The following KCNH8 variants were observed in gnomAD, a reference collection of about 807,000 sequenced individuals.
KCNH8 encodes voltage-gated delayed rectifier potassium channel KCNH8.
A neutral mutation model predicts 103.6 loss-of-function variants in KCNH8; 70 were observed. The ratio of observed to expected loss-of-function variants is 0.68; its 90% CI spans 0.56 to 0.82. The LOEUF (loss-of-function observed/expected upper bound fraction) is 0.82. Ranked by LOEUF, KCNH8 falls within the 40% of genes least tolerant of loss-of-function variation. The pLI, the probability that KCNH8 is intolerant of heterozygous loss-of-function variation, is 0.00. For synonymous variants in KCNH8, 498 were observed against 489.4 expected, an observed-to-expected ratio of 1.02 and a Z score of -0.23; for missense variants, 1,217 against 1,329.9, an observed-to-expected ratio of 0.92 and a Z score of 1.32.
At position 19,414,345 on chromosome 3, in the gene KCNH8, A is replaced by T. The variant is rs185415395; in HGVS notation, c.1177+19034A>T. Among the ~76,000 whole-genome samples the T allele has an allele frequency of 2.8e-3, 429 of 152,200 alleles. 4 individuals carry two copies. Among genetic ancestry groups the T allele is most frequent in the African/African-American group, 9.4e-3 (390 of 41,578 alleles). ...GGATTTTGAAAAATTAAAAGTCACCACTAAATAAAATTTAAAATAGAAAAC... is the reference window on the plus strand; with the variant it reads ...GGATTTTGAAAAATTAAAAGTCACCTCTAAATAAAATTTAAAATAGAAAAC... On this transcript the variant is annotated intron_variant, in intron 7 of 15. Transcript: ENST00000328405.
chr3:19,149,483 A>G lies in KCNH8; in HGVS notation c.76+688A>G, dbSNP rs571339455. Among the ~76,000 whole-genome samples the G allele has an allele frequency of 2.0e-5, 3 of 152,100 alleles. No individual in the cohort carries two copies. In the South Asian group the frequency reaches 6.2e-4, roughly 32 times the overall value. ...TTTTTGAGTACGAATATTATTGGAC[A>G]TTTAGCTCATTTAAGCTACAGTAGG... On this transcript the variant is annotated intron_variant, in intron 1 of 15. Coordinates refer to ENST00000328405, the MANE Select transcript of KCNH8 (RefSeq NM_144633.3).
At chr3:19,313,156 T>C (rs2065227694) in intron 3 of KCNH8, among the ~76,000 whole-genome samples, 2 of 151,906 alleles carry the variant, frequency 1.3e-5, no homozygotes, top group Non-Finnish European at 2.9e-5. Context: ...GTTTGGTCTT[T>C]ATTCTTTATT....
At chr3:19,258,943 CTCTCTATATA>C (rs1432299100) in intron 2 of KCNH8, among the ~76,000 whole-genome samples, 438 of 53,302 alleles carry the variant, frequency 8.2e-3, no homozygotes, top group African/African-American at 0.019. Flanking sequence ...CTCTCTCTCT[CTCTCTATATA>C]TATATATATA....
At chr3:19,231,393 A>C (rs2063992993) in intron 1 of KCNH8, among the ~76,000 whole-genome samples, 1 of 152,202 alleles carries the variant, frequency 6.6e-6, no homozygotes, top group South Asian at 2.1e-4. Flanking sequence ...TTGAGTAAAT[A>C]AGAAAGATGA....
At chr3:19,171,774 A>C (rs1230000637) in intron 1 of KCNH8, among the ~76,000 whole-genome samples, 2 of 152,234 alleles carry the variant, frequency 1.3e-5, no homozygotes, top group African/African-American at 2.4e-5. Flanking sequence ...AGAGTGAGAC[A>C]TGGCCCTGGG....
At chr3:19,465,915 A>G (rs1361982771) in intron 11 of KCNH8, among the ~76,000 whole-genome samples, 1 of 152,036 alleles carries the variant, frequency 6.6e-6, no homozygotes, top group East Asian at 1.9e-4. Flanking sequence ...AACATATAAG[A>G]AGTTGCTTCT....
chr3:19,368,106 A>T (rs2066037768), intron 5 of KCNH8, among the ~76,000 whole-genome samples: 1 of 152,044 alleles, frequency 6.6e-6, no homozygotes. Context: ...AGCTAATAAA[A>T]ATTATCTAAT....
At chr3:19,314,268 T>C (rs2065244487) in intron 3 of KCNH8, among the ~76,000 whole-genome samples, 1 of 151,894 alleles carries the variant, frequency 6.6e-6, no homozygotes, top group African/African-American at 2.4e-5. Context: ...CCATATAAAG[T>C]CTATTGATAC....
At position 19,411,245 on chromosome 3, in the gene KCNH8, A is replaced by T. The variant is rs2066774338; in HGVS notation, c.1177+15934A>T. 3.3e-5 allele frequency among the ~76,000 whole-genome samples: 5 copies of T among 152,140 alleles called. 1 individual carries two copies. The highest frequency in any genetic ancestry group is 3.3e-4 in the Admixed American group (5 of 15,250). On this transcript the variant is annotated intron_variant, in intron 7 of 15. Transcript: ENST00000328405. ...ACAATAAATGTGGTTTACAGCATAG[A>T]CAGAATTAAAAGCAGAAACCATATG... is the stretch of plus-strand genomic sequence containing the variant.
rs372406895 is a variant in KCNH8 at position 19,362,647 on chromosome 3, ATTTGTT to A, written c.811+14696_811+14701del. Among the ~76,000 whole-genome samples, 275 of 152,052 alleles carry A rather than the reference ATTTGTT, an allele frequency of 1.8e-3. 2 individuals carry two copies. Among genetic ancestry groups the A allele is most frequent in the Middle Eastern group, 6.8e-3 (2 of 294 alleles). On this transcript the variant is annotated intron_variant, in intron 5 of 15. Transcript: ENST00000328405. ...GTCATCAAGCCTGTATTTCCTCAGT[ATTTGTT>A]TTTGTTTTTGTTTGTTGTTTGTTTG...
Position 19,338,002 on chromosome 3 carries a change from G to C in KCNH8, c.443-4585G>C, listed in dbSNP as rs556989330. 8.5e-3 allele frequency among the ~76,000 whole-genome samples: 1,292 copies of C among 151,774 alleles called. 26 individuals carry two copies. The highest frequency in any genetic ancestry group is 0.029 in the African/African-American group (1,187 of 41,398). ...CACACACGCAGAGAGAGAGAGGCGG[G>C]GGGGGGAGAAAGAGGGAGTTATTCT... On this transcript the variant is annotated intron_variant, in intron 3 of 15. Coordinates refer to ENST00000328405, the MANE Select transcript of KCNH8 (RefSeq NM_144633.3).
At chr3:19,286,110 A>G (rs1275180940) in intron 3 of KCNH8, among the ~76,000 whole-genome samples, 1 of 152,196 alleles carries the variant, frequency 6.6e-6, no homozygotes, top group Middle Eastern at 3.2e-3. Context: ...GGTGGTATGC[A>G]GATATATTTC....
At chr3:19,381,251 A>T (rs905652482) in intron 5 of KCNH8, among the ~76,000 whole-genome samples, 1 of 152,006 alleles carries the variant, frequency 6.6e-6, no homozygotes, top group Non-Finnish European at 1.5e-5. Context: ...TATGATCATG[A>T]ACACCTGATT....
At chr3:19,447,174 A>T (rs1334622321) in intron 8 of KCNH8, among the ~76,000 whole-genome samples, 2 of 152,050 alleles carry the variant, frequency 1.3e-5, no homozygotes, top group African/African-American at 4.8e-5. Context: ...TGACAGTTAC[A>T]CACACTCTTT....
intron 1 of KCNH8, among the ~76,000 whole-genome samples, chr3:19,156,693 A>G (rs2063183997): frequency 6.6e-6 from 1 of 152,104 alleles, no homozygotes; most frequent in Non-Finnish European, 1.5e-5. Flanking sequence ...AGTACTCTCT[A>G]GTGATTTCCT....
At chr3:19,462,349 T>C (rs1442538850) in intron 11 of KCNH8, among the ~76,000 whole-genome samples, 2 of 152,220 alleles carry the variant, frequency 1.3e-5, no homozygotes, top group Non-Finnish European at 2.9e-5. Flanking sequence ...TGGTGTGAGA[T>C]GGTATCTCAT....
intron 1 of KCNH8, among the ~76,000 whole-genome samples, chr3:19,242,301 T>C (rs1378084307): frequency 6.6e-6 from 1 of 152,180 alleles, no homozygotes; most frequent in Non-Finnish European, 1.5e-5. Context: ...GGTCATACCA[T>C]TGACATCACT....
chr3:19,368,176 T>G (rs2066038766), intron 5 of KCNH8, among the ~76,000 whole-genome samples: 1 of 152,016 alleles, frequency 6.6e-6, no homozygotes, highest in Non-Finnish European at 1.5e-5. Flanking sequence ...TGCTTTGGGT[T>G]ATGAAAAGCA....
rs577952133 is a variant in KCNH8, at chr3:19,154,188, TG to T, written c.76+5396del. Among the ~76,000 whole-genome samples, 87 of 152,248 alleles carry T rather than the reference TG, an allele frequency of 5.7e-4. 1 individual carries two copies. Among genetic ancestry groups the T allele is most frequent in the Admixed American group, 3.7e-3 (56 of 15,304 alleles). ...GCTTCATATAATAAATAACTTTGGGTGGGAATGATTGTATCATATATGATAG... is the reference window on the plus strand; with the variant it reads ...GCTTCATATAATAAATAACTTTGGGTGGAATGATTGTATCATATATGATAG... On this transcript the variant is annotated intron_variant, in intron 1 of 15. Coordinates refer to ENST00000328405, the MANE Select transcript of KCNH8 (RefSeq NM_144633.3).
Sources: gnomAD v4.1 joint callset for allele counts (sites outside exome capture counted in the v4.1 genomes callset) on GRCh38, gnomAD v4.1.1 for gene constraint, MANE v1.5 for transcripts, NCBI Gene and HGNC (gene_info 2026-07-23, HGNC 2026-07-21) for gene names.